ZACN: variants seen among roughly 807,000 people sequenced by gnomAD.
The protein encoded by ZACN is zinc activated ion channel.
A neutral mutation model predicts 38.9 loss-of-function variants in ZACN; 52 were observed. That is an observed-to-expected ratio of 1.34 (90% CI 1.07 to 1.68). The LOEUF is 1.68. ZACN is among the 40% of genes most tolerant of loss of function. The probability of loss-of-function intolerance (pLI) is 0.00; values close to 1 mark genes in which losing one functional copy is unlikely to be tolerated. For synonymous variants in ZACN, 235 were observed against 227.4 expected (o/e 1.03, Z -0.30); for missense variants, 559 against 525.6 (o/e 1.06, Z -0.62).
chr17:76,080,633 G>A (rs1010421571), intron 5 of ZACN: 1 of 731,408 alleles, frequency 1.4e-6, no homozygotes, highest in African/African-American at 1.7e-5. Context: ...CCCCACTCGA[G>A]TGGCAGCCCA....
chr17:76,081,465 C>T lies in ZACN; in HGVS notation c.669+63C>T, dbSNP rs376126613. The T allele has an allele frequency of 5.0e-5, 81 of 1,610,622 alleles. 1 individual carries two copies. Among genetic ancestry groups the T allele is most frequent in the African/African-American group, 9.3e-5 (7 of 75,016 alleles). On this transcript the variant is annotated intron_variant, in intron 6 of 8. Transcript: ENST00000334586. Reference sequence around the variant, plus strand: ...GGAGGCGGGTGGGAGTGAGGATGCACGGCCAGAGGCCAGGCCCCATGCCCC... The same window carrying T: ...GGAGGCGGGTGGGAGTGAGGATGCATGGCCAGAGGCCAGGCCCCATGCCCC...
Position 76,079,272 on chromosome 17 carries a change from C to T in ZACN, c.8C>T (p.Ala3Val), listed in dbSNP as rs1315562746. 1.9e-6 allele frequency: 3 copies of T among 1,612,716 alleles called. No homozygotes were observed. The highest frequency in any genetic ancestry group is 2.5e-6 in the Non-Finnish European group (3 of 1,179,154). MM[A>V]LWSLLHLTFL... ...AGTCCCTCCGTGCAGCCGATGATGG[C>T]CCTATGGTCCCTGCTCCATCTCACC... is the stretch of plus-strand genomic sequence containing the variant. Residue 3 changes from alanine (A) to valine (V), a missense_variant, in exon 1 of 9, where the codon GCC becomes GTC. Physicochemically the swap from Ala to Val is moderately conservative, Grantham distance 64. Transcript: ENST00000334586.
intron 2 of ZACN, 25 bp downstream of exon 2, chr17:76,079,588 C>T: frequency 6.2e-7 from 1 of 1,614,014 alleles, no homozygotes; most frequent in Middle Eastern, 1.7e-4. Flanking sequence ...GCCAAGGGCC[C>T]CAAGTGCTGA....
At chr17:76,079,396 T>C (rs1306399992) in intron 1 of ZACN, 35 bp downstream of exon 1, 14 of 1,614,016 alleles carry the variant, frequency 8.7e-6, no homozygotes, top group Non-Finnish European at 1.2e-5. Context: ...CTTTGGGACT[T>C]GGGCCCTAGG....
At position 76,079,249 on chromosome 17, in the gene ZACN, T is replaced by C. The variant is rs1454115640; in HGVS notation, c.-16T>C. The C allele has an allele frequency of 6.2e-6, 10 of 1,604,798 alleles. No individual in the cohort carries two copies. Among genetic ancestry groups the C allele is most frequent in the Non-Finnish European group, 8.5e-6 (10 of 1,173,894 alleles). ...GCTTAGGCACCGCTGCTCCCTCCAG[T>C]CCCTCCGTGCAGCCGATGATGGCCC... On this transcript the variant is annotated 5_prime_UTR_variant, in exon 1 of 9. Coordinates refer to ENST00000334586, the MANE Select transcript of ZACN (RefSeq NM_180990.4).
In ZACN at chr17:76,079,560, TG is replaced by T; in HGVS notation, c.220del (p.Val74TrpfsTer66). ...VRVFVSNVFNVDILRYTMSSM... is the reference protein window; with the variant it reads ...VRVFVSNVFNXDILRYTMSSM... Reference sequence around the variant, plus strand: ...GGGTGTTTGTCTCCAACGTGTTTAATGTGGTAAGTGCCTCTAGGCCAAGGGC... The same window carrying T: ...GGGTGTTTGTCTCCAACGTGTTTAATTGGTAAGTGCCTCTAGGCCAAGGGC... On this transcript the variant is annotated frameshift_variant and splice_region_variant, in exon 2 of 9. Transcript: ENST00000334586. LOFTEE classifies it high-confidence loss of function. 6.2e-7 allele frequency: 1 copy of T among 1,614,172 alleles called. No individual in the cohort carries two copies. The highest frequency in any genetic ancestry group is 1.1e-5 in the South Asian group (1 of 91,076).
At chr17:76,080,536 A>G (rs1333416346) in intron 5 of ZACN, 112 bp downstream of exon 5, 4 of 1,447,620 alleles carry the variant, frequency 2.8e-6, no homozygotes, top group Non-Finnish European at 2.8e-6. Context: ...GAAGGGGCAA[A>G]GGCAGACAGA....
intron 5 of ZACN, 36 bp from the exon 6 acceptor site, chr17:76,081,242 C>A (rs374504468): frequency 6.2e-7 from 1 of 1,611,032 alleles, no homozygotes; most frequent in South Asian, 1.1e-5. Flanking sequence ...TGGGATCTCT[C>A]CTTCCTGGTT....
rs753438847 is a variant in ZACN at position 76,081,770 on chromosome 17, C to T, written c.880+15C>T. ...CCCACTGCTCAGTAAGCCCTGCTCC[C>T]TTACCCAGTCTGCCCTGTTTCTCCC... On this transcript the variant is annotated intron_variant, in intron 7 of 8. Transcript: ENST00000334586. 3.1e-6 allele frequency: 5 copies of T among 1,613,916 alleles called. No individual in the cohort carries two copies. The African/African-American group carries it at 5.3e-5, about 17-fold the overall frequency.
chr17:76,080,069 T>A, intron 4 of ZACN, 75 bp downstream of exon 4: 1 of 1,502,390 alleles, frequency 6.7e-7, no homozygotes, highest in Non-Finnish European at 9.0e-7. Flanking sequence ...ACCTAGAGGC[T>A]GTCTGAGTGA....
intron 8 of ZACN, 182 bp downstream of exon 8, chr17:76,082,231 A>C: frequency 1.2e-6 from 1 of 845,144 alleles, no homozygotes; most frequent in East Asian, 2.7e-5. Context: ...GAGCAAGCTG[A>C]GCCTCCCTGA....
intron 5 of ZACN, 33 bp downstream of exon 5, chr17:76,080,457 A>G (rs2066931100): frequency 1.2e-6 from 2 of 1,605,870 alleles, no homozygotes; most frequent in Non-Finnish European, 1.7e-6. Context: ...AGGGTTGAGG[A>G]GGGGAGGAGG....
rs774744376 is a variant in ZACN, at chr17:76,081,739, C to T, written c.864C>T (p.Ser288=). ...SLVQALPSSS[S]CNPLLIYYFT... ...TGCAGGCCCTGCCCAGCTCCTCCTCCTGCAACCCACTGCTCAGTAAGCCCT... is the reference window on the plus strand; with the variant it reads ...TGCAGGCCCTGCCCAGCTCCTCCTCTTGCAACCCACTGCTCAGTAAGCCCT... Residue 288 remains serine, a synonymous_variant, in exon 7 of 9, where the codon TCC becomes TCT. Coordinates refer to ENST00000334586, the MANE Select transcript of ZACN (RefSeq NM_180990.4). The T allele has an allele frequency of 3.0e-5, 48 of 1,614,098 alleles. No homozygotes were observed. Among genetic ancestry groups the T allele is most frequent in the Non-Finnish European group, 3.9e-5 (46 of 1,179,994 alleles).
chr17:76,079,870 G>T lies in ZACN; in HGVS notation c.268-18G>T, dbSNP rs749772531. The T allele has an allele frequency of 4.4e-6, 7 of 1,586,220 alleles. No individual in the cohort carries two copies. The Admixed American group carries it at 7.2e-5, about 16-fold the overall frequency. On this transcript the variant is annotated intron_variant, in intron 3 of 8. Coordinates refer to ENST00000334586, the MANE Select transcript of ZACN (RefSeq NM_180990.4). ...TATGTGGAGAGCAGGAGCCTCAGTGGTGCCCTTGTGTCCCCAGTCCTGGCT... is the reference window on the plus strand; with the variant it reads ...TATGTGGAGAGCAGGAGCCTCAGTGTTGCCCTTGTGTCCCCAGTCCTGGCT...
At position 76,079,893 on chromosome 17, in the gene ZACN, G is replaced by A. The variant is rs376718726; in HGVS notation, c.273G>A (p.Trp91Ter). 1.5e-5 allele frequency: 24 copies of A among 1,593,980 alleles called. No individual in the cohort carries two copies. Among genetic ancestry groups the A allele is most frequent in the East Asian group, 2.3e-5 (1 of 43,582 alleles). ...TGGTGCCCTTGTGTCCCCAGTCCTG[G>A]CTGGACACTCGCCTGGCCTGGAACA... ...MSSMLLLRLS[W>*]LDTRLAWNTS... Residue 91 changes from tryptophan (W) to a stop codon, truncating the protein, a stop_gained, in exon 4 of 9, where the codon TGG (tryptophan) becomes TGA (stop). Coordinates refer to ENST00000334586, the MANE Select transcript of ZACN (RefSeq NM_180990.4). LOFTEE classifies it high-confidence loss of function.
rs1460965154 is a variant in ZACN at position 76,081,610 on chromosome 17, G to T, written c.735G>T (p.Leu245=). ...TCTTGGTGCCTGCAGAGGCACTGCTGTTGGCTGACGTGTGCGGGGGGTTGC... is the reference window on the plus strand; with the variant it reads ...TCTTGGTGCCTGCAGAGGCACTGCTTTTGGCTGACGTGTGCGGGGGGTTGC... The part of the protein sequence containing the change: ...IALLVPAEAL[L]LADVCGGLLP... Residue 245 remains leucine, a synonymous_variant, in exon 7 of 9, where the codon CTG becomes CTT. Transcript: ENST00000334586. The T allele has an allele frequency of 1.2e-6, 2 of 1,614,072 alleles. No individual in the cohort carries two copies. Among genetic ancestry groups the T allele is most frequent in the East Asian group, 4.5e-5 (2 of 44,884 alleles).
Position 76,079,438 on chromosome 17 carries a change from G to A in ZACN, c.98-1G>A. 3.1e-6 allele frequency: 5 copies of A among 1,614,032 alleles called. No individual in the cohort carries two copies. The highest frequency in any genetic ancestry group is 4.2e-6 in the Non-Finnish European group (5 of 1,180,024). On this transcript the variant is annotated splice_acceptor_variant, in intron 1 of 8. Transcript: ENST00000334586. LOFTEE classifies it high-confidence loss of function. Reference sequence around the variant, plus strand: ...GAGTGACCTTGACTTTTCTCTCTCAGTCTGGCCATCCCTCTTCAACGTCAA... The same window carrying A: ...GAGTGACCTTGACTTTTCTCTCTCAATCTGGCCATCCCTCTTCAACGTCAA...
At position 76,082,047 on chromosome 17, in the gene ZACN, A is replaced by C; in HGVS notation, c.1046A>C (p.Glu349Ala). ...EHGNPGPHPAEEPSRGVKGSQ... is the reference protein window; with the variant it reads ...EHGNPGPHPAAEPSRGVKGSQ... ...GGCAACCCAGGGCCTCATCCTGCTG[A>C]AGGTGGGCAGGGGCTGGGGGGTAAG... The change falls in exon 8 of 9, where the codon GAA (glutamate) becomes GCA (alanine). Residue 349 changes from glutamate (E) to alanine (A), a missense_variant and splice_region_variant. Glu to Ala is a moderately radical substitution (Grantham distance 107). Coordinates refer to ENST00000334586, the MANE Select transcript of ZACN (RefSeq NM_180990.4). The C allele has an allele frequency of 6.2e-7, 1 of 1,605,660 alleles. No individual in the cohort carries two copies. Among genetic ancestry groups the C allele is most frequent in the South Asian group, 1.1e-5 (1 of 90,232 alleles).
Position 76,079,620 on chromosome 17 carries a change from A to G in ZACN, c.222+57A>G, listed in dbSNP as rs1171416715. 4 of 1,612,262 alleles carry G rather than the reference A, an allele frequency of 2.5e-6. No individual in the cohort carries two copies. In the African/African-American group the frequency reaches 5.3e-5, roughly 22 times the overall value. ...CTGAGCTGGGCAGGGAACAGGACTC[A>G]GCCCTGGATAGTGCTGGGGTCTCCT... On this transcript the variant is annotated intron_variant, in intron 2 of 8. Transcript: ENST00000334586.
Sources: allele counts gnomAD v4.1 joint callset, GRCh38; gene constraint gnomAD v4.1.1; transcripts MANE v1.5; gene names NCBI Gene and HGNC (gene_info 2026-07-23, HGNC 2026-07-21).